Variants in CNOT10 observed in about 807,000 individuals in gnomAD.
The protein encoded by CNOT10 is CCR4-NOT transcription complex, subunit 10.
Under a neutral mutation model 94.6 loss-of-function variants are expected in CNOT10, and 30 were observed. The ratio of observed to expected loss-of-function variants is 0.32; its 90% CI spans 0.24 to 0.43. CNOT10 has a LOEUF of 0.43. Among genes scored for constraint, CNOT10 ranks in the 20% least tolerant of loss-of-function variants. CNOT10 has a pLI of 1.00. For synonymous variants in CNOT10, 289 were observed against 301.6 expected, an observed-to-expected ratio of 0.96 and a Z score of 0.43; for missense variants, 759 against 877.2, an observed-to-expected ratio of 0.87 and a Z score of 1.70.
intron 14 of CNOT10, 40 bp from the exon 15 acceptor site, chr3:32,762,693 C>T (rs6781308): frequency 0.046 from 71,929 of 1,567,954 alleles, 1,951 homozygotes; most frequent in Middle Eastern, 0.092. Context: ...ATTTTTGTGA[C>T]GTTGTACTTT....
At chr3:32,751,125 G>A (rs942735979) in intron 13 of CNOT10, among the ~76,000 whole-genome samples, 1 of 152,110 alleles carries the variant, frequency 6.6e-6, no homozygotes, top group Non-Finnish European at 1.5e-5. Context: ...TTTTGAGACA[G>A]GGTCTTGCTC....
intron 13 of CNOT10, among the ~76,000 whole-genome samples, chr3:32,752,640 ATAAAAT>A (rs765176378): frequency 1.9e-4 from 29 of 152,218 alleles, no homozygotes; most frequent in East Asian, 3.8e-4. Flanking sequence ...TTTACAGAAG[ATAAAAT>A]TAAAAACTAA....
Position 32,764,499 on chromosome 3 carries a change from G to A in CNOT10, c.1876+9G>A. On this transcript the variant is annotated intron_variant, in intron 16 of 18. Transcript: ENST00000328834. ...TGAAGCAATGGAATCCTGTAAGTAA[G>A]AAGTTTTGTGATACTTAAGTAGCCT... is the stretch of plus-strand genomic sequence containing the variant. 1 of 1,613,080 alleles carries A rather than the reference G, an allele frequency of 6.2e-7. No individual in the cohort carries two copies. Among genetic ancestry groups the A allele is most frequent in the South Asian group, 1.1e-5 (1 of 90,738 alleles).
chr3:32,695,942 A>G (rs1225381977), intron 1 of CNOT10: 6 of 763,652 alleles, frequency 7.9e-6, no homozygotes, highest in Admixed American at 7.5e-5. Context: ...ATACACAAGG[A>G]AAATAAAAAT....
At chr3:32,737,613 A>C (rs1291354036) in intron 13 of CNOT10, 123 bp downstream of exon 13, 2 of 563,844 alleles carry the variant, frequency 3.5e-6, no homozygotes, top group East Asian at 6.7e-5. Context: ...TCACTAGGTC[A>C]GGAGTTCGAG....
At chr3:32,694,419 T>C (rs149665386) in intron 1 of CNOT10, among the ~76,000 whole-genome samples, 4 of 152,316 alleles carry the variant, frequency 2.6e-5, no homozygotes, top group African/African-American at 9.6e-5. Flanking sequence ...TTTGTAACTT[T>C]AATAAATTAA....
At chr3:32,750,752 A>G (rs964450499) in intron 13 of CNOT10, among the ~76,000 whole-genome samples, 3 of 151,844 alleles carry the variant, frequency 2.0e-5, no homozygotes, top group Non-Finnish European at 4.4e-5. Flanking sequence ...GGGTTTCACC[A>G]TGTTGGTCAG....
intron 8 of CNOT10, among the ~76,000 whole-genome samples, chr3:32,720,891 T>TTTCCTTCCTTCCTTCCTTCC (rs745348303): frequency 9.3e-5 from 10 of 107,372 alleles, no homozygotes; most frequent in African/African-American, 2.3e-4. Context: ...TTTTCCTTCT[T>TTTCCTTCCTTCCTTCCTTCC]TTCCTTCCTT....
intron 4 of CNOT10, 152 bp from the exon 5 acceptor site, chr3:32,713,075 C>G (rs1697960507): frequency 3.8e-6 from 2 of 530,500 alleles, no homozygotes; most frequent in Non-Finnish European, 6.4e-6. Context: ...TTGCAAGTTG[C>G]TTTCATTCGT....
Position 32,751,456 on chromosome 3 carries a change from A to G in CNOT10, c.1596-8002A>G, listed in dbSNP as rs112053324. On this transcript the variant is annotated intron_variant, in intron 13 of 18. Transcript: ENST00000328834. Reference sequence around the variant, plus strand: ...GTCATTTCTAAAATGGGAGGCCACAAAAGGGATAAAAGGAAATGTTTGGAG... The same window carrying G: ...GTCATTTCTAAAATGGGAGGCCACAGAAGGGATAAAAGGAAATGTTTGGAG... 2.4e-3 allele frequency among the ~76,000 whole-genome samples: 371 copies of G among 152,296 alleles called. 3 individuals carry two copies. The highest frequency in any genetic ancestry group is 8.4e-3 in the African/African-American group (349 of 41,574).
chr3:32,702,362 T>A (rs1227194391), intron 1 of CNOT10, among the ~76,000 whole-genome samples: 1 of 152,206 alleles, frequency 6.6e-6, no homozygotes, highest in East Asian at 1.9e-4. Flanking sequence ...AGCTGAGATT[T>A]TTACCTTTAT....
intron 13 of CNOT10, among the ~76,000 whole-genome samples, chr3:32,754,943 G>A (rs972995924): frequency 6.6e-6 from 1 of 150,994 alleles, no homozygotes; most frequent in African/African-American, 2.4e-5. Context: ...CCCATATTCA[G>A]TTTGTTGAAA....
chr3:32,708,911 A>G (rs893138814), intron 4 of CNOT10, 91 bp downstream of exon 4: 1 of 944,992 alleles, frequency 1.1e-6, no homozygotes, highest in Admixed American at 2.9e-5. Flanking sequence ...AAATCCGAGA[A>G]GTCCATGCCA....
intron 11 of CNOT10, 96 bp downstream of exon 11, chr3:32,733,640 T>G: frequency 1.3e-6 from 1 of 783,942 alleles, no homozygotes; most frequent in Non-Finnish European, 1.9e-6. Context: ...TATCATTGCA[T>G]AGGAGGAACC....
At chr3:32,693,227 A>AT (rs1696920868) in intron 1 of CNOT10, among the ~76,000 whole-genome samples, 1 of 151,678 alleles carries the variant, frequency 6.6e-6, no homozygotes, top group Non-Finnish European at 1.5e-5. Context: ...AATTTAATTA[A>AT]TTTTTTTGAG....
At position 32,764,697 on chromosome 3, in the gene CNOT10, C is replaced by G; in HGVS notation, c.1892C>G (p.Pro631Arg). The G allele has an allele frequency of 6.2e-7, 1 of 1,614,088 alleles. No homozygotes were observed. Residue 631 changes from proline (P) to arginine (R), a missense_variant, in exon 17 of 19, where the codon CCT becomes CGT. Around this residue, in one of 3 missense-constraint regions of CNOT10, gnomAD observed 682 missense variants for 799.4 expected, o/e 0.85. Transcript: ENST00000328834. Reference sequence around the variant, plus strand: ...TTTTCCCCAGCTGGTAAGCGGGCCCCTCAGTGCTACCCCAGTTCCGTCAAC... The same window carrying G: ...TTTTCCCCAGCTGGTAAGCGGGCCCGTCAGTGCTACCCCAGTTCCGTCAAC... Reference protein sequence around the residue: ...EAMESSGKRAPQCYPSSVNSA... With the variant: ...EAMESSGKRARQCYPSSVNSA...
In CNOT10 at chr3:32,713,424, C is replaced by T. The variant is rs1309728081; in HGVS notation, c.573+55C>T. ...TCTAAAATGTGATTAATTCTCTCTA[C>T]TTGTTGGTTTACTGGATTAAAAAGA... On this transcript the variant is annotated intron_variant, in intron 5 of 18. Transcript: ENST00000328834. 6 of 1,386,822 alleles carry T rather than the reference C, an allele frequency of 4.3e-6. No individual in the cohort carries two copies. The African/African-American group carries it at 7.5e-5, about 17-fold the overall frequency. 85.9% of individuals were successfully genotyped at this position (1,386,822 alleles called of 1,614,324 possible).
In CNOT10 at chr3:32,686,611, G is replaced by A. The variant is rs78265926; in HGVS notation, c.22+1129G>A. On this transcript the variant is annotated intron_variant, in intron 1 of 18. Transcript: ENST00000328834. ...TGAGATGATATTTGAGCAGAGATAT[G>A]TAAGAAGTGAGGGAATGAGCCATAA... Among the ~76,000 whole-genome samples, 803 of 152,316 alleles carry A rather than the reference G, an allele frequency of 5.3e-3. 6 individuals carry two copies. Among genetic ancestry groups the A allele is most frequent in the African/African-American group, 0.017 (725 of 41,566 alleles).
intron 15 of CNOT10, 52 bp from the exon 16 acceptor site, chr3:32,764,401 AAG>A: frequency 6.3e-7 from 1 of 1,578,582 alleles, no homozygotes; most frequent in Non-Finnish European, 8.6e-7. Flanking sequence ...GGAGAAAAGA[AAG>A]AAAATATGCT....
Sources: allele counts gnomAD v4.1 joint callset (sites outside exome capture counted in the v4.1 genomes callset), GRCh38; gene constraint gnomAD v4.1.1; regional missense constraint gnomAD v4.1.1; transcripts MANE v1.5; gene names NCBI Gene and HGNC (gene_info 2026-07-23, HGNC 2026-07-21).